TAS2R1: variants seen among roughly 807,000 people sequenced by gnomAD.
TAS2R1 encodes taste 2 receptor member 1.
For synonymous variants in TAS2R1, 141 were observed against 134.2 expected (o/e 1.05, Z -0.35); for missense variants, 370 against 353.4 (o/e 1.05, Z -0.38).
chr5:9,635,205 A>C (rs1401236801), upstream of TAS2R1, among the ~76,000 whole-genome samples: 1 of 152,090 alleles, frequency 6.6e-6, no homozygotes, highest in African/African-American at 2.4e-5. Context: ...TGAGATGATC[A>C]TATGATTTTT....
At chr5:9,719,583 C>T in the TAS2R1 span, among the ~76,000 whole-genome samples, 1 of 152,258 alleles carries the variant, frequency 6.6e-6, no homozygotes, top group East Asian at 1.9e-4. Flanking sequence ...ATTCATCTTG[C>T]TTGAGTCAGT....
the TAS2R1 span, among the ~76,000 whole-genome samples, chr5:9,872,837 T>C: frequency 5.9e-5 from 9 of 152,242 alleles, no homozygotes; most frequent in Non-Finnish European, 1.0e-4. Context: ...TACATTGACT[T>C]GAAGAAACAG....
At chr5:9,813,163 T>C in the TAS2R1 span, among the ~76,000 whole-genome samples, 1 of 152,082 alleles carries the variant, frequency 6.6e-6, no homozygotes, top group Admixed American at 6.6e-5. Context: ...GAGATACCCA[T>C]AGAGAGAAGA....
the TAS2R1 span, among the ~76,000 whole-genome samples, chr5:9,875,562 C>G: frequency 6.6e-6 from 1 of 152,194 alleles, no homozygotes; most frequent in African/African-American, 2.4e-5. Context: ...AATCCCACAG[C>G]CTCCCCGACA....
chr5:9,699,733 C>T (rs779322359), intron 1 of TAS2R1, among the ~76,000 whole-genome samples: 1 of 152,144 alleles, frequency 6.6e-6, no homozygotes, highest in Admixed American at 6.6e-5. Flanking sequence ...AGCCACCTTG[C>T]CTTTCTTCTT....
chr5:9,809,776 T>A, the TAS2R1 span, among the ~76,000 whole-genome samples: 1 of 152,208 alleles, frequency 6.6e-6, no homozygotes, highest in East Asian at 1.9e-4. Context: ...CTATCCTTTA[T>A]CAATGCCAAT....
the TAS2R1 span, among the ~76,000 whole-genome samples, chr5:9,872,962 T>A: frequency 6.6e-6 from 1 of 152,188 alleles, no homozygotes; most frequent in Admixed American, 6.5e-5. Context: ...AATCATTTTT[T>A]TGAGGATTTA....
chr5:9,671,029 A>T (rs1291875541), intron 1 of TAS2R1, among the ~76,000 whole-genome samples: 1 of 152,228 alleles, frequency 6.6e-6, no homozygotes, highest in East Asian at 1.9e-4. Context: ...AAACAGAACT[A>T]CAAACAAAAA....
At chr5:9,703,745 C>T (rs1741539907) in intron 1 of TAS2R1, among the ~76,000 whole-genome samples, 2 of 152,122 alleles carry the variant, frequency 1.3e-5, no homozygotes, top group African/African-American at 4.8e-5. Context: ...TGGAAGCTTG[C>T]TTACATTGCA....
the TAS2R1 span, among the ~76,000 whole-genome samples, chr5:9,746,681 T>A: frequency 3.9e-5 from 6 of 151,994 alleles, no homozygotes; most frequent in Non-Finnish European, 7.4e-5. Flanking sequence ...AAACCAAACA[T>A]CACACGTTCT....
chr5:9,773,421 T>C, the TAS2R1 span, among the ~76,000 whole-genome samples: 6 of 152,182 alleles, frequency 3.9e-5, no homozygotes, highest in African/African-American at 1.4e-4. Flanking sequence ...GTTAATCTTG[T>C]AGTCTTTATA....
upstream of TAS2R1, chr5:9,713,254 CA>C (rs1734733744): frequency 6.6e-6 from 1 of 152,106 alleles, no homozygotes; most frequent in Non-Finnish European, 1.5e-5. Context: ...GGATGAATCC[CA>C]ACGTGTTATT....
the TAS2R1 span, among the ~76,000 whole-genome samples, chr5:9,900,027 C>T: frequency 5.7e-4 from 87 of 152,232 alleles, 1 homozygote; most frequent in African/African-American, 1.9e-3. Context: ...AAAGTGCATT[C>T]GCTTGGTCAT....
At chr5:9,785,769 C>T in the TAS2R1 span, among the ~76,000 whole-genome samples, 1 of 152,140 alleles carries the variant, frequency 6.6e-6, no homozygotes, top group Non-Finnish European at 1.5e-5. Context: ...GACCTGGGCA[C>T]ACAGCGTAGT....
At chr5:9,648,364 A>G (rs771221693) in intron 2 of TAS2R1, among the ~76,000 whole-genome samples, 3 of 152,058 alleles carry the variant, frequency 2.0e-5, no homozygotes, top group Non-Finnish European at 2.9e-5. Context: ...TTTCCAATCT[A>G]TCAAATTGAC....
At chr5:9,728,097 C>A in the TAS2R1 span, among the ~76,000 whole-genome samples, 1 of 152,028 alleles carries the variant, frequency 6.6e-6, no homozygotes, top group Non-Finnish European at 1.5e-5. Context: ...TGTCTCCTCC[C>A]CCTAGATTAA....
At chr5:9,640,956 C>G (rs1446188681) in intron 2 of TAS2R1, among the ~76,000 whole-genome samples, 1 of 152,160 alleles carries the variant, frequency 6.6e-6, no homozygotes, top group East Asian at 1.9e-4. Context: ...GGAGTTCATC[C>G]CTGTTTGCTG....
At chr5:9,819,474 C>T in the TAS2R1 span, among the ~76,000 whole-genome samples, 259 of 152,326 alleles carry the variant, frequency 1.7e-3, 2 homozygotes, top group African/African-American at 5.8e-3. Flanking sequence ...ACATCAGAAT[C>T]GCTGAGCACA....
At chr5:9,747,236 T>C in the TAS2R1 span, among the ~76,000 whole-genome samples, 1 of 152,078 alleles carries the variant, frequency 6.6e-6, no homozygotes, top group Non-Finnish European at 1.5e-5. Flanking sequence ...AATATTTTAG[T>C]GAAGTTTTGG....
Sources: allele counts gnomAD v4.1 joint callset (sites outside exome capture counted in the v4.1 genomes callset), GRCh38; gene constraint gnomAD v4.1.1; transcripts MANE v1.5; gene names NCBI Gene and HGNC (gene_info 2026-07-23, HGNC 2026-07-21).